SEMA6D: variants seen among roughly 807,000 people sequenced by gnomAD.
The protein encoded by SEMA6D is semaphorin 6D.
SEMA6D carries 35 observed loss-of-function variants against 106.6 expected under a neutral mutation model. The ratio of observed to expected loss-of-function variants is 0.33; its 90% CI spans 0.25 to 0.44. The LOEUF is 0.44. Among genes scored for constraint, SEMA6D ranks in the 20% least tolerant of loss-of-function variants. SEMA6D has a pLI of 1.00. For synonymous variants in SEMA6D, 499 were observed against 487.7 expected (o/e 1.02, Z -0.31); for missense variants, 1,185 against 1,345.9 (o/e 0.88, Z 1.87).
chr15:47,500,017 C>T (rs1434254923), intron 3 of SEMA6D, among the ~76,000 whole-genome samples: 2 of 152,146 alleles, frequency 1.3e-5, no homozygotes, highest in African/African-American at 4.8e-5. Context: ...ACTCCCATCT[C>T]TGCAGCAAAA....
In SEMA6D at chr15:47,770,571, G is replaced by T. The variant is rs182120946; in HGVS notation, c.2008G>T (p.Ala670Ser). ...GAATGTCCTCATCACCTGTGTCTTT[G>T]CTGCTTTTGTTTTGGGGGCATTCAT... ...HMNVLITCVF[A>S]AFVLGAFIAG... is the part of the protein sequence containing the mutation. Residue 670 changes from alanine to serine, a missense_variant, in exon 19 of 19, where the codon GCT becomes TCT. Ala to Ser is a moderately conservative substitution (Grantham distance 99). Coordinates refer to ENST00000536845, the MANE Select transcript of SEMA6D (RefSeq NM_001358351.3). The T allele has an allele frequency of 2.5e-6, 4 of 1,613,920 alleles. No homozygotes were observed. The East Asian group carries it at 6.7e-5, about 27-fold the overall frequency.
chr15:47,567,509 A>G (rs2046262194), intron 3 of SEMA6D, among the ~76,000 whole-genome samples: 2 of 152,158 alleles, frequency 1.3e-5, no homozygotes, highest in African/African-American at 4.8e-5. Flanking sequence ...CCTAACCATG[A>G]AATACTTTTC....
At chr15:47,447,664 AAG>A (rs1428378132) in intron 2 of SEMA6D, among the ~76,000 whole-genome samples, 10 of 152,156 alleles carry the variant, frequency 6.6e-5, no homozygotes, top group Non-Finnish European at 8.8e-5. Flanking sequence ...TGATAAATGT[AAG>A]AGTTTCCCTG....
chr15:47,508,164 T>G (rs1240518795), intron 3 of SEMA6D, among the ~76,000 whole-genome samples: 3 of 152,182 alleles, frequency 2.0e-5, no homozygotes, highest in African/African-American at 7.2e-5. Context: ...TCTCTCTGGT[T>G]TAAACCTCAG....
chr15:47,218,337 C>T lies in SEMA6D; in HGVS notation c.-239+33919C>T, dbSNP rs2030863160. Among the ~76,000 whole-genome samples the T allele has an allele frequency of 3.9e-5, 6 of 152,220 alleles. No homozygotes were observed. In the South Asian group the frequency reaches 1.2e-3, roughly 32 times the overall value. ...GTCTTCATTTGTCTGTCTCTTCTAC[C>T]ACATGAGGCTCTGCTTCTGGAACCC... On this transcript the variant is annotated intron_variant, in intron 1 of 19. Coordinates refer to the SEMA6D transcript ENST00000558014.
At position 47,322,279 on chromosome 15, in the gene SEMA6D, A is replaced by ATT. The variant is rs200999593; in HGVS notation, c.-238-90100_-238-90099dup. Among the ~76,000 whole-genome samples, 47 of 138,996 alleles carry ATT rather than the reference A, an allele frequency of 3.4e-4. 1 individual carries two copies. In the East Asian group the frequency reaches 4.0e-3, roughly 12 times the overall value. The allele number at this position is 138,996 out of a possible 152,430, so 91.2% of individuals were successfully genotyped here. On this transcript the variant is annotated intron_variant, in intron 1 of 19. Coordinates refer to the SEMA6D transcript ENST00000558014. ...CATATCTTATTAGCGTTCACTAGTT[A>ATT]TTTTTTTTTTTTTTTGCCTAATGTC...
intron 4 of SEMA6D, among the ~76,000 whole-genome samples, chr15:47,636,933 T>C (rs536611347): frequency 6.6e-6 from 1 of 152,316 alleles, no homozygotes; most frequent in South Asian, 2.1e-4. Flanking sequence ...GGCTGGGCTA[T>C]GTGAACACAC....
intron 7 of SEMA6D, among the ~76,000 whole-genome samples, chr15:47,761,982 G>A (rs1444796799): frequency 2.0e-5 from 3 of 152,156 alleles, no homozygotes; most frequent in Non-Finnish European, 2.9e-5. Context: ...AGTGGCCCCC[G>A]ATAAGTTGCT....
intron 1 of SEMA6D, among the ~76,000 whole-genome samples, chr15:47,411,666 T>C (rs1190199068): frequency 6.6e-6 from 1 of 152,094 alleles, no homozygotes; most frequent in East Asian, 1.9e-4. Flanking sequence ...TCAAAGAGGC[T>C]TCATAGAACT....
intron 1 of SEMA6D, among the ~76,000 whole-genome samples, chr15:47,234,672 A>G (rs1346690994): frequency 6.6e-6 from 1 of 152,050 alleles, no homozygotes; most frequent in African/African-American, 2.4e-5. Flanking sequence ...TGCAAAAGAC[A>G]TTAGTTCCTT....
chr15:47,360,268 G>A (rs983640170), intron 1 of SEMA6D, among the ~76,000 whole-genome samples: 14 of 152,174 alleles, frequency 9.2e-5, no homozygotes, highest in African/African-American at 3.4e-4. Flanking sequence ...GAGTAAGTTT[G>A]TATCATTCTT....
chr15:47,193,775 C>G (rs568136589), intron 1 of SEMA6D, among the ~76,000 whole-genome samples: 71 of 152,226 alleles, frequency 4.7e-4, no homozygotes, highest in Non-Finnish European at 9.6e-4. Flanking sequence ...CTTCATGTCT[C>G]TAGCTCTGCC....
At chr15:47,391,647 A>T (rs188527024) in intron 1 of SEMA6D, among the ~76,000 whole-genome samples, 154 of 143,886 alleles carry the variant, frequency 1.1e-3, no homozygotes, top group African/African-American at 4.1e-3. Flanking sequence ...TTAGGGACAG[A>T]AACAACTATT....
intron 15 of SEMA6D, 190 bp from the exon 16 acceptor site, chr15:47,766,426 T>G (rs1307864317): frequency 1.6e-6 from 1 of 639,182 alleles, no homozygotes; most frequent in East Asian, 2.7e-5. Flanking sequence ...TCTGTTCTCT[T>G]AAGCATTCTA....
At chr15:47,209,301 A>C (rs1168533590) in intron 1 of SEMA6D, among the ~76,000 whole-genome samples, 3 of 152,218 alleles carry the variant, frequency 2.0e-5, no homozygotes, top group Non-Finnish European at 4.4e-5. Context: ...CTGAATTACC[A>C]ATAAGAGAAT....
intron 3 of SEMA6D, among the ~76,000 whole-genome samples, chr15:47,513,391 A>G (rs1447595475): frequency 1.3e-5 from 2 of 152,130 alleles, no homozygotes; most frequent in Non-Finnish European, 2.9e-5. Flanking sequence ...ACTAATCTCT[A>G]TTCCACTACA....
At chr15:47,221,880 G>A (rs1388521377) in intron 1 of SEMA6D, among the ~76,000 whole-genome samples, 1 of 152,112 alleles carries the variant, frequency 6.6e-6, no homozygotes, top group Non-Finnish European at 1.5e-5. Flanking sequence ...TGTTAACTGA[G>A]TTTCAATTTA....
At chr15:47,396,705 C>T (rs1446781782) in intron 1 of SEMA6D, 1 of 152,194 alleles carries the variant, frequency 6.6e-6, no homozygotes, top group East Asian at 1.9e-4. Flanking sequence ...GCTCCCAGTC[C>T]ACTGACTCAA....
chr15:47,576,298 A>C (rs148505603), intron 3 of SEMA6D, among the ~76,000 whole-genome samples: 1 of 152,340 alleles, frequency 6.6e-6, no homozygotes, highest in Non-Finnish European at 1.5e-5. Flanking sequence ...ACCCCAGCAC[A>C]TCTTCCCATC....
Sources: gnomAD v4.1 joint callset for allele counts (sites outside exome capture counted in the v4.1 genomes callset) on GRCh38, gnomAD v4.1.1 for gene constraint, MANE v1.5 for transcripts, NCBI Gene and HGNC (gene_info 2026-07-23, HGNC 2026-07-21) for gene names.